Variants in CNTN6 observed in about 807,000 individuals in gnomAD.
CNTN6 encodes contactin 6.
Under a neutral mutation model 122.8 loss-of-function variants are expected in CNTN6, and 137 were observed. The observed-to-expected ratio is 1.12, with a 90% CI of 0.97 to 1.29. The LOEUF is 1.29. Among genes scored for constraint, CNTN6 ranks in the 50% most tolerant of loss-of-function variants. The pLI, the probability that CNTN6 is intolerant of heterozygous loss-of-function variation, is 0.00. For missense variants in CNTN6, 1,634 were observed against 1,223.4 expected, an observed-to-expected ratio of 1.34 and a Z score of -5.01; for synonymous variants, 570 against 426.0, an observed-to-expected ratio of 1.34 and a Z score of -4.16.
At chr3:1,180,076 C>G (rs1226614919) in intron 2 of CNTN6, among the ~76,000 whole-genome samples, 5 of 152,074 alleles carry the variant, frequency 3.3e-5, no homozygotes, top group African/African-American at 9.7e-5. Context: ...TTTTTTAATG[C>G]TGAGAGTGGG....
At chr3:1,268,464 A>T (rs182536599) in intron 4 of CNTN6, among the ~76,000 whole-genome samples, 2 of 151,614 alleles carry the variant, frequency 1.3e-5, no homozygotes, top group Non-Finnish European at 2.9e-5. Flanking sequence ...AAAATTAGCC[A>T]GGCGCGGTGG....
intron 1 of CNTN6, among the ~76,000 whole-genome samples, chr3:1,124,394 A>C (rs1283293633): frequency 2.6e-5 from 4 of 151,876 alleles, no homozygotes; most frequent in Non-Finnish European, 5.9e-5. Flanking sequence ...TTTGTGTTTC[A>C]GTACTCCAAC....
At chr3:1,242,493 G>A (rs935938271) in intron 4 of CNTN6, among the ~76,000 whole-genome samples, 9 of 152,212 alleles carry the variant, frequency 5.9e-5, no homozygotes, top group Admixed American at 5.2e-4. Flanking sequence ...AGCCCATGCT[G>A]TAGCAGGCAA....
intron 2 of CNTN6, among the ~76,000 whole-genome samples, chr3:1,178,653 C>T (rs1324059300): frequency 6.6e-6 from 1 of 152,146 alleles, no homozygotes; most frequent in Non-Finnish European, 1.5e-5. Flanking sequence ...TGAAGCTCGA[C>T]ATTTTGTCCA....
At chr3:1,391,273 C>G (rs1393284611) in intron 20 of CNTN6, among the ~76,000 whole-genome samples, 2 of 119,572 alleles carry the variant, frequency 1.7e-5, no homozygotes, top group East Asian at 2.2e-4. Flanking sequence ...TAAATGTAAT[C>G]CAGCATATAA....
At chr3:1,276,883 G>A (rs1047440244) in intron 4 of CNTN6, among the ~76,000 whole-genome samples, 4 of 152,130 alleles carry the variant, frequency 2.6e-5, no homozygotes, top group East Asian at 1.9e-4. Flanking sequence ...TCAAATACCC[G>A]GGTGAATGGT....
intron 4 of CNTN6, among the ~76,000 whole-genome samples, chr3:1,273,044 G>C (rs1456670643): frequency 6.6e-6 from 1 of 152,254 alleles, no homozygotes; most frequent in Middle Eastern, 3.4e-3. Context: ...CTTTGGAACA[G>C]AGCCTTATTC....
intron 2 of CNTN6, among the ~76,000 whole-genome samples, chr3:1,193,537 A>G (rs1216273729): frequency 6.6e-6 from 1 of 152,194 alleles, no homozygotes; most frequent in Non-Finnish European, 1.5e-5. Flanking sequence ...CCATATGGTC[A>G]CAATCAATGG....
chr3:1,274,920 GT>G (rs1305181268), intron 4 of CNTN6, among the ~76,000 whole-genome samples: 1 of 152,062 alleles, frequency 6.6e-6, no homozygotes, highest in East Asian at 1.9e-4. Context: ...ACATAGGTGT[GT>G]TTATTGGATC....
At chr3:1,133,834 T>C (rs959143586) in intron 1 of CNTN6, among the ~76,000 whole-genome samples, 1 of 152,130 alleles carries the variant, frequency 6.6e-6, no homozygotes, top group Admixed American at 6.5e-5. Flanking sequence ...ATATTCTTCT[T>C]TCCTTCCTCG....
At chr3:1,264,525 C>T (rs962794055) in intron 4 of CNTN6, among the ~76,000 whole-genome samples, 1 of 151,928 alleles carries the variant, frequency 6.6e-6, no homozygotes, top group Non-Finnish European at 1.5e-5. Context: ...TTGACTGTAA[C>T]CTATAACTTA....
At chr3:1,130,285 C>T (rs942663253) in intron 1 of CNTN6, among the ~76,000 whole-genome samples, 3 of 151,950 alleles carry the variant, frequency 2.0e-5, no homozygotes, top group Non-Finnish European at 2.9e-5. Flanking sequence ...CTCCTACCCT[C>T]ACTCCCTTCA....
chr3:1,328,027 C>G (rs1222781867), intron 10 of CNTN6, among the ~76,000 whole-genome samples: 1 of 151,834 alleles, frequency 6.6e-6, no homozygotes, highest in Non-Finnish European at 1.5e-5. Context: ...TACACCTTCC[C>G]TTCAGCATCA....
intron 11 of CNTN6, among the ~76,000 whole-genome samples, chr3:1,330,273 G>T (rs1335418237): frequency 6.6e-6 from 1 of 151,892 alleles, no homozygotes; most frequent in Non-Finnish European, 1.5e-5. Flanking sequence ...TTTCACAAAG[G>T]AGAGAGACAC....
At chr3:1,231,495 G>T (rs1224092279) in intron 4 of CNTN6, among the ~76,000 whole-genome samples, 1 of 152,128 alleles carries the variant, frequency 6.6e-6, no homozygotes, top group Non-Finnish European at 1.5e-5. Context: ...CTGGTATTCA[G>T]TAATCCAAAA....
chr3:1,127,323 GTAT>G (rs2092199191), intron 1 of CNTN6, among the ~76,000 whole-genome samples: 1 of 151,702 alleles, frequency 6.6e-6, no homozygotes, highest in Non-Finnish European at 1.5e-5. Flanking sequence ...ACCAATGACA[GTAT>G]TACATAATGG....
intron 7 of CNTN6, among the ~76,000 whole-genome samples, chr3:1,310,915 C>A (rs1273060408): frequency 6.6e-6 from 1 of 151,930 alleles, no homozygotes; most frequent in Non-Finnish European, 1.5e-5. Context: ...GCAGGAGAAT[C>A]GCTTGAACCC....
intron 4 of CNTN6, among the ~76,000 whole-genome samples, chr3:1,253,614 G>A (rs370697492): frequency 6.6e-6 from 1 of 152,126 alleles, no homozygotes; most frequent in East Asian, 1.9e-4. Context: ...AGGATGAGGG[G>A]TTGGAGGGCA....
chr3:1,373,522 C>A, intron 14 of CNTN6, 82 bp from the exon 15 acceptor site: 1 of 1,321,042 alleles, frequency 7.6e-7, no homozygotes. Flanking sequence ...CTAAGCACAA[C>A]AGGTAAAAAT....
Sources: allele counts gnomAD v4.1 joint callset (sites outside exome capture counted in the v4.1 genomes callset), GRCh38; gene constraint gnomAD v4.1.1; transcripts MANE v1.5; gene names NCBI Gene and HGNC (gene_info 2026-07-23, HGNC 2026-07-21).